SBF2: variants seen among roughly 807,000 people sequenced by gnomAD.
SBF2 encodes myotubularin-related protein 13.
Under a neutral mutation model 225.2 loss-of-function variants are expected in SBF2, and 112 were observed. The observed-to-expected ratio is 0.50, with a 90% CI of 0.43 to 0.58. The LOEUF is 0.58. SBF2 is among the 20% of genes least tolerant of loss of function. The probability of loss-of-function intolerance (pLI) is 0.00; values close to 1 mark genes in which losing one functional copy is unlikely to be tolerated. For synonymous variants in SBF2, 763 were observed against 773.3 expected (o/e 0.99, Z 0.22); for missense variants, 1,996 against 2,206.2 (o/e 0.90, Z 1.91).
At position 10,133,557 on chromosome 11, in the gene SBF2, C is replaced by T. The variant is rs568982162; in HGVS notation, c.141+60345G>A. Among the ~76,000 whole-genome samples, 13 of 135,808 alleles carry T rather than the reference C, an allele frequency of 9.6e-5. 4 individuals carry two copies. In the South Asian group the frequency reaches 2.6e-3, roughly 27 times the overall value. The allele number at this position is 135,808 out of a possible 152,430, so 89.1% of individuals were successfully genotyped here. On this transcript the variant is annotated intron_variant, in intron 2 of 39. Coordinates refer to ENST00000256190, the MANE Select transcript of SBF2 (RefSeq NM_030962.4). ...GCAGCCACTGGCCTGGGTGCTAAGT[C>T]CCCCATTGCCCAGGGCCAGCAGGGC...
chr11:10,063,341 TA>T (rs781670626), intron 2 of SBF2, among the ~76,000 whole-genome samples: 22,055 of 131,822 alleles, frequency 0.17, 1,949 homozygotes, highest in Non-Finnish European at 0.21. Context: ...TATATATATA[TA>T]TATTTTTTTA....
At chr11:10,094,739 G>C (rs574821271) in intron 2 of SBF2, among the ~76,000 whole-genome samples, 1 of 151,670 alleles carries the variant, frequency 6.6e-6, no homozygotes, top group African/African-American at 2.4e-5. Context: ...CCCGACCTCA[G>C]GTGATCCACC....
intron 1 of SBF2, among the ~76,000 whole-genome samples, chr11:10,232,393 G>A (rs187577149): frequency 6.6e-5 from 10 of 152,250 alleles, no homozygotes; most frequent in East Asian, 3.9e-4. Flanking sequence ...CATCTTCTGC[G>A]TCGCTCACGC....
chr11:9,823,560 G>T (rs988756495), intron 28 of SBF2, among the ~76,000 whole-genome samples: 35 of 151,968 alleles, frequency 2.3e-4, no homozygotes, highest in Admixed American at 6.5e-4. Context: ...TCTCACAGTG[G>T]TATCTAACTC....
At chr11:10,231,096 T>C (rs1958822634) in intron 1 of SBF2, among the ~76,000 whole-genome samples, 1 of 152,214 alleles carries the variant, frequency 6.6e-6, no homozygotes, top group South Asian at 2.1e-4. Flanking sequence ...TTCCAGTTGA[T>C]CGAATCGGCT....
At chr11:10,118,560 G>T (rs1197665784) in intron 2 of SBF2, among the ~76,000 whole-genome samples, 2 of 151,950 alleles carry the variant, frequency 1.3e-5, no homozygotes, top group South Asian at 2.1e-4. Context: ...TATTTACAAA[G>T]AATTTAAATT....
At chr11:9,992,668 T>TG in intron 11 of SBF2, 125 bp from the exon 12 acceptor site, 1 of 863,344 alleles carries the variant, frequency 1.2e-6, no homozygotes, top group Non-Finnish European at 1.7e-6. Context: ...TATGCTGTCA[T>TG]AAAATATATT....
Position 9,784,449 on chromosome 11 carries a change from TGATGACA to T in SBF2, c.5232-18_5232-12del, listed in dbSNP as rs778872504. ...GTTCCCTCAAAGGACCTAGAAGAAA[TGATGACA>T]GGAGAGTTAATTTTGATTTACACTT... On this transcript the variant is annotated splice_polypyrimidine_tract_variant and intron_variant, in intron 37 of 39. Transcript: ENST00000256190. 6.3e-7 allele frequency: 1 copy of T among 1,596,662 alleles called. No individual in the cohort carries two copies. The highest frequency in any genetic ancestry group is 8.6e-7 in the Non-Finnish European group (1 of 1,164,094).
At chr11:10,225,222 T>C (rs1044363631) in intron 1 of SBF2, among the ~76,000 whole-genome samples, 1 of 152,034 alleles carries the variant, frequency 6.6e-6, no homozygotes, top group African/African-American at 2.4e-5. Flanking sequence ...CTGGCAATCT[T>C]CCAAATGAAC....
chr11:9,792,594 G>A (rs1416781325), intron 33 of SBF2, among the ~76,000 whole-genome samples: 1 of 152,100 alleles, frequency 6.6e-6, no homozygotes, highest in Non-Finnish European at 1.5e-5. Context: ...ACACAAGAAG[G>A]AACAGACTTC....
rs998473289 is a variant in SBF2, at chr11:9,816,967, A to G, written c.3851T>C (p.Ile1284Thr). Residue 1284 changes from isoleucine (I) to threonine (T), a missense_variant, in exon 29 of 40, where the codon ATT (isoleucine) becomes ACT (threonine). Coordinates refer to ENST00000256190, the MANE Select transcript of SBF2 (RefSeq NM_030962.4). ...TRLISSPTSF[I>T]DVGARLAGKD... Reference sequence around the variant, plus strand: ...GCCTGCCAGCCGGGCGCCAACATCAATGAAGGATGTTGGAGAGCTGATCAA... The same window carrying G: ...GCCTGCCAGCCGGGCGCCAACATCAGTGAAGGATGTTGGAGAGCTGATCAA... 3.7e-6 allele frequency: 6 copies of G among 1,614,204 alleles called. No individual in the cohort carries two copies. The highest frequency in any genetic ancestry group is 2.5e-6 in the Non-Finnish European group (3 of 1,180,018).
chr11:10,224,008 T>C (rs986371668), intron 1 of SBF2, among the ~76,000 whole-genome samples: 6 of 152,302 alleles, frequency 3.9e-5, no homozygotes, highest in South Asian at 2.1e-4. Flanking sequence ...TGGTGTCATG[T>C]ATAGTCTACA....
intron 1 of SBF2, among the ~76,000 whole-genome samples, chr11:10,258,943 A>T (rs1463978484): frequency 6.6e-6 from 1 of 152,182 alleles, no homozygotes; most frequent in Non-Finnish European, 1.5e-5. Context: ...CAACAGAAAA[A>T]ATGAGGGGCA....
chr11:10,070,433 T>C lies in SBF2; in HGVS notation c.142-27452A>G, dbSNP rs527363801. 3.3e-5 allele frequency among the ~76,000 whole-genome samples: 5 copies of C among 152,318 alleles called. No homozygotes were observed. In the South Asian group the frequency reaches 1.0e-3, roughly 32 times the overall value. Reference sequence around the variant, plus strand: ...AATAGGGAATCCTTTCCCCACTTCTTGTTTTTGCCAGGTTTGTCACAGATC... The same window carrying C: ...AATAGGGAATCCTTTCCCCACTTCTCGTTTTTGCCAGGTTTGTCACAGATC... On this transcript the variant is annotated intron_variant, in intron 2 of 39. Coordinates refer to ENST00000256190, the MANE Select transcript of SBF2 (RefSeq NM_030962.4).
chr11:10,176,890 A>G (rs1956490408), intron 2 of SBF2, among the ~76,000 whole-genome samples: 1 of 152,224 alleles, frequency 6.6e-6, no homozygotes, highest in Non-Finnish European at 1.5e-5. Context: ...CACAACCAAA[A>G]AAGAAAATTT....
intron 17 of SBF2, among the ~76,000 whole-genome samples, chr11:9,868,081 C>T (rs1033975078): frequency 1.3e-5 from 2 of 152,118 alleles, no homozygotes; most frequent in East Asian, 1.9e-4. Flanking sequence ...GACCATTACA[C>T]ACCGTATACA....
rs568225811 is a variant in SBF2, at chr11:10,052,657, C to T, written c.142-9676G>A. On this transcript the variant is annotated intron_variant, in intron 2 of 39. Transcript: ENST00000256190. Reference sequence around the variant, plus strand: ...ATGAAGTAGATAACTTGCAAATAGGCCATCCATCTGCAAATAAAAGGTACG... The same window carrying T: ...ATGAAGTAGATAACTTGCAAATAGGTCATCCATCTGCAAATAAAAGGTACG... 3.3e-5 allele frequency among the ~76,000 whole-genome samples: 5 copies of T among 152,210 alleles called. No individual in the cohort carries two copies. In the South Asian group the frequency reaches 1.0e-3, roughly 32 times the overall value.
In SBF2 at chr11:9,816,957, G is replaced by A. The variant is rs1437531336; in HGVS notation, c.3861C>T (p.Gly1287=). 5.0e-6 allele frequency: 8 copies of A among 1,614,106 alleles called. No individual in the cohort carries two copies. The highest frequency in any genetic ancestry group is 2.7e-5 in the African/African-American group (2 of 75,034). ...AGTGATCCTTGCCTGCCAGCCGGGC[G>A]CCAACATCAATGAAGGATGTTGGAG... is the stretch of plus-strand genomic sequence containing the variant. The part of the protein sequence containing the change: ...ISSPTSFIDV[G]ARLAGKDHSA... The change falls in exon 29 of 40, where the codon GGC becomes GGT. Residue 1287 remains glycine, a synonymous_variant. Transcript: ENST00000256190.
At position 10,275,487 on chromosome 11, in the gene SBF2, T is replaced by C. The variant is rs540339723; in HGVS notation, c.55+18528A>G. On this transcript the variant is annotated intron_variant, in intron 1 of 39. Coordinates refer to ENST00000256190, the MANE Select transcript of SBF2 (RefSeq NM_030962.4). ...ATTTTAAGTTATTTGTAGGATGTAC[T>C]GAATACTGTTTTACTATTCGTGTTC... Among the ~76,000 whole-genome samples the C allele has an allele frequency of 7.2e-5, 11 of 152,366 alleles. No individual in the cohort carries two copies. In the East Asian group the frequency reaches 1.9e-3, roughly 27 times the overall value.
Sources: allele counts gnomAD v4.1 joint callset (sites outside exome capture counted in the v4.1 genomes callset), GRCh38; gene constraint gnomAD v4.1.1; transcripts MANE v1.5; gene names NCBI Gene and HGNC (gene_info 2026-07-23, HGNC 2026-07-21).